ADCY9: variants seen among roughly 807,000 people sequenced by gnomAD.
The protein encoded by ADCY9 is adenylate cyclase 9, also known as adenylate cyclase type 9.
Under a neutral mutation model 101.5 loss-of-function variants are expected in ADCY9, and 50 were observed. The observed-to-expected ratio is 0.49, with a 90% CI of 0.39 to 0.62. The LOEUF (loss-of-function observed/expected upper bound fraction) is 0.62, where lower values mean the gene tolerates loss of function less well. Ranked by LOEUF, ADCY9 falls within the 20% of genes least tolerant of loss-of-function variation. The pLI, the probability that ADCY9 is intolerant of heterozygous loss-of-function variation, is 0.00. For synonymous variants in ADCY9, 905 were observed against 769.3 expected (o/e 1.18, Z -2.92); for missense variants, 1,662 against 1,800.4 (o/e 0.92, Z 1.39).
intron 2 of ADCY9, among the ~76,000 whole-genome samples, chr16:4,100,260 C>T (rs1366871407): frequency 6.6e-6 from 1 of 152,104 alleles, no homozygotes; most frequent in African/African-American, 2.4e-5. Context: ...CTGACGCCTC[C>T]CCAGCCATGC....
At chr16:4,071,797 G>C (rs1372409489) in intron 2 of ADCY9, among the ~76,000 whole-genome samples, 1 of 104,452 alleles carries the variant, frequency 9.6e-6, no homozygotes, top group East Asian at 2.3e-4. Context: ...TGTTGTTCTG[G>C]CCCACGAATT....
intron 2 of ADCY9, among the ~76,000 whole-genome samples, chr16:4,071,347 A>T (rs1597207699): frequency 6.7e-6 from 1 of 149,582 alleles, no homozygotes; most frequent in African/African-American, 2.4e-5. Flanking sequence ...AAAAAAAAAA[A>T]AAAAAAAAAA....
rs542893253 is a variant in ADCY9, at chr16:3,993,435, A to G, written c.1960T>C (p.Cys654Arg). 6.2e-7 allele frequency: 1 copy of G among 1,614,182 alleles called. No individual in the cohort carries two copies. Among genetic ancestry groups the G allele is most frequent in the South Asian group, 1.1e-5 (1 of 91,086 alleles). ...GTGCTGTTTTTATGCTCGTCTTGGC[A>G]GCCGTTTTGAGGTGCTCCTCCCTCG... is the stretch of plus-strand genomic sequence containing the variant. ...GAEGGAPQNG[C>R]QDEHKNSTKA... Residue 654 changes from cysteine to arginine, a missense_variant, in exon 4 of 11, where the codon TGC (cysteine) becomes CGC (arginine). Physicochemically the swap from Cys to Arg is radical, Grantham distance 180. Around this residue, in one of 5 missense-constraint regions of ADCY9, gnomAD observed 624 missense variants for 639.1 expected, o/e 0.98. Transcript: ENST00000294016.
rs1181831976 is a variant in ADCY9 at position 3,966,976 on chromosome 16, A to G, written c.2871-10T>C. On this transcript the variant is annotated splice_polypyrimidine_tract_variant and intron_variant, in intron 10 of 10. Coordinates refer to ENST00000294016, the MANE Select transcript of ADCY9 (RefSeq NM_001116.4). ...CGGGTTCCTCTCGGAACTGGAGAGC[A>G]AAGACACGGGAAAGGGAGAGGTTAC... The G allele has an allele frequency of 6.2e-7, 1 of 1,603,152 alleles. No individual in the cohort carries two copies. Among genetic ancestry groups the G allele is most frequent in the Admixed American group, 1.7e-5 (1 of 59,222 alleles).
At position 3,963,189 on chromosome 16, in the gene ADCY9, T is replaced by A. The variant is rs1223402502; in HGVS notation, c.*2586A>T. 6 of 344,022 alleles carry A rather than the reference T, an allele frequency of 1.7e-5. No individual in the cohort carries two copies. The Admixed American group carries it at 2.9e-4, about 17-fold the overall frequency. 21.3% of individuals were successfully genotyped at this position (344,022 alleles called of 1,614,324 possible). Reference sequence around the variant, plus strand: ...GCTGGGACTGAGAAGAAAATAGCAATTGCAACTCAAAGCAACTATTTACAC... The same window carrying A: ...GCTGGGACTGAGAAGAAAATAGCAAATGCAACTCAAAGCAACTATTTACAC... On this transcript the variant is annotated 3_prime_UTR_variant, in exon 11 of 11. Transcript: ENST00000294016.
chr16:4,010,561 T>C (rs1303556195), intron 2 of ADCY9, among the ~76,000 whole-genome samples: 2 of 152,204 alleles, frequency 1.3e-5, no homozygotes, highest in Non-Finnish European at 2.9e-5. Context: ...CACTGATGGG[T>C]GCAGGGACGA....
In ADCY9 at chr16:3,965,982, G is replaced by T. The variant is rs751963291; in HGVS notation, c.3855C>A (p.Val1285=). 6.2e-7 allele frequency: 1 copy of T among 1,614,076 alleles called. No homozygotes were observed. The highest frequency in any genetic ancestry group is 8.5e-7 in the Non-Finnish European group (1 of 1,180,048). ...CCAGAGATGTCTTGTCCACATACTG[G>T]ACAGAAGGCACCAGGTTGGCAATCT... ...TDEIANLVPS[V]QYVDKTSLGS... Residue 1285 remains valine (V), a synonymous_variant, in exon 11 of 11, where the codon GTC becomes GTA. Coordinates refer to ENST00000294016, the MANE Select transcript of ADCY9 (RefSeq NM_001116.4).
chr16:4,095,512 A>G (rs1356531808), intron 2 of ADCY9, among the ~76,000 whole-genome samples: 2 of 152,220 alleles, frequency 1.3e-5, no homozygotes, highest in Non-Finnish European at 2.9e-5. Context: ...CAGTCCTACG[A>G]GTGAAAAACT....
intron 6 of ADCY9, among the ~76,000 whole-genome samples, chr16:3,987,987 T>TCA (rs1306966029): frequency 1.4e-4 from 20 of 147,488 alleles, no homozygotes; most frequent in African/African-American, 5.3e-4. Context: ...CTGGAGGCTG[T>TCA]GAGGAGGGGC....
intron 2 of ADCY9, among the ~76,000 whole-genome samples, chr16:4,037,570 G>C (rs2056598333): frequency 6.6e-6 from 1 of 152,158 alleles, no homozygotes; most frequent in Non-Finnish European, 1.5e-5. Context: ...CCTCTGGGTA[G>C]ATATCTAGTA....
chr16:4,045,248 G>GA (rs908772486), intron 2 of ADCY9, among the ~76,000 whole-genome samples: 3 of 152,026 alleles, frequency 2.0e-5, no homozygotes, highest in African/African-American at 7.2e-5. Flanking sequence ...TGACTGCTAT[G>GA]AAAAAATGAA....
intron 2 of ADCY9, among the ~76,000 whole-genome samples, chr16:4,077,950 G>A (rs2056878239): frequency 6.6e-6 from 1 of 150,898 alleles, no homozygotes; most frequent in South Asian, 2.1e-4. Context: ...AGTGAGCCAA[G>A]ATGGTGCCAC....
At chr16:4,041,981 T>C (rs2056630616) in intron 2 of ADCY9, among the ~76,000 whole-genome samples, 1 of 142,986 alleles carries the variant, frequency 7.0e-6, no homozygotes, top group Admixed American at 7.6e-5. Flanking sequence ...TGAAGTGTAC[T>C]GGTGTGATTT....
Position 3,963,421 on chromosome 16 carries a change from G to A in ADCY9, c.*2354C>T. ...GTTCTGCACTGAGGTATGCATCGGAGCAGGGGACGGGGAGGACCCGAGGGG... is the reference window on the plus strand; with the variant it reads ...GTTCTGCACTGAGGTATGCATCGGAACAGGGGACGGGGAGGACCCGAGGGG... On this transcript the variant is annotated 3_prime_UTR_variant, in exon 11 of 11. Transcript: ENST00000294016. The A allele has an allele frequency of 2.5e-6, 1 of 398,490 alleles. No homozygotes were observed. The highest frequency in any genetic ancestry group is 3.6e-5 in the East Asian group (1 of 28,030). The allele number at this position is 398,490 out of a possible 1,614,324, so 24.7% of individuals were successfully genotyped here.
chr16:4,067,291 T>C (rs563161358), intron 2 of ADCY9, among the ~76,000 whole-genome samples: 2 of 152,096 alleles, frequency 1.3e-5, no homozygotes, highest in Admixed American at 1.3e-4. Context: ...GTTAAACAGA[T>C]TGAAATAATG....
chr16:4,051,911 A>G (rs2056704342), intron 2 of ADCY9, among the ~76,000 whole-genome samples: 1 of 152,216 alleles, frequency 6.6e-6, no homozygotes, highest in African/African-American at 2.4e-5. Context: ...CGAGTCCCCA[A>G]AAAATCTCCC....
intron 2 of ADCY9, among the ~76,000 whole-genome samples, chr16:4,065,148 C>G (rs2056793596): frequency 6.6e-6 from 1 of 152,100 alleles, no homozygotes; most frequent in African/African-American, 2.4e-5. Flanking sequence ...GGAAAATGCC[C>G]CTCTCTCGTC....
intron 2 of ADCY9, among the ~76,000 whole-genome samples, chr16:4,010,182 A>G (rs573821009): frequency 3.2e-4 from 49 of 152,316 alleles, no homozygotes; most frequent in African/African-American, 1.1e-3. Flanking sequence ...CCCTGGGAGC[A>G]TGAACTGGGC....
chr16:4,004,363 G>A (rs999857842), intron 3 of ADCY9, among the ~76,000 whole-genome samples: 10 of 151,884 alleles, frequency 6.6e-5, no homozygotes, highest in African/African-American at 1.5e-4. Flanking sequence ...TCATTTCCTG[G>A]TAGGTCGTTA....
Sources: allele counts gnomAD v4.1 joint callset (sites outside exome capture counted in the v4.1 genomes callset), GRCh38; gene constraint gnomAD v4.1.1; regional missense constraint gnomAD v4.1.1; transcripts MANE v1.5; gene names NCBI Gene and HGNC (gene_info 2026-07-23, HGNC 2026-07-21).